Variants in MKLN1 observed in about 807,000 individuals in gnomAD.
MKLN1 encodes the protein muskelin.
Under a neutral mutation model 99.0 loss-of-function variants are expected in MKLN1, and 18 were observed. The ratio of observed to expected loss-of-function variants is 0.18; its 90% CI spans 0.13 to 0.27. MKLN1 has a LOEUF of 0.27. Among genes scored for constraint, MKLN1 ranks in the 10% least tolerant of loss-of-function variants. The pLI is 1.00. For missense variants in MKLN1, 621 were observed against 875.9 expected (o/e 0.71, Z 3.67); for synonymous variants, 288 against 293.2 (o/e 0.98, Z 0.18).
In MKLN1 at chr7:131,494,032, T is replaced by A. The variant is rs1418696778; in HGVS notation, c.*6304T>A. ...AAAGCCTTTGTTACAGTTTAGCTCA[T>A]GTCATTTGGTTGGTTTTATTTTCTA... On this transcript the variant is annotated 3_prime_UTR_variant, in exon 18 of 18. Coordinates refer to ENST00000352689, the MANE Select transcript of MKLN1 (RefSeq NM_013255.5). 6.6e-6 allele frequency: 1 copy of A among 152,220 alleles called. No homozygotes were observed. The highest frequency in any genetic ancestry group is 1.5e-5 in the Non-Finnish European group (1 of 68,022). The allele number at this position is 152,220 out of a possible 1,614,324, so 9.4% of individuals were successfully genotyped here. A position where few individuals can be genotyped will look rare whatever the true frequency, so the allele number is the denominator to read the frequency against.
chr7:131,159,724 T>A (rs1352424261), intron 2 of MKLN1, among the ~76,000 whole-genome samples: 1 of 152,180 alleles, frequency 6.6e-6, no homozygotes, highest in Non-Finnish European at 1.5e-5. Flanking sequence ...TTTCAAAATA[T>A]CACATGTACC....
chr7:131,418,578 C>T (rs1422202879), intron 8 of MKLN1, among the ~76,000 whole-genome samples: 2 of 152,130 alleles, frequency 1.3e-5, no homozygotes, highest in African/African-American at 4.8e-5. Context: ...GAAAGCCATC[C>T]TGGGCCTCAT....
At chr7:131,387,329 T>A in intron 3 of MKLN1, 67 bp downstream of exon 3, 1 of 1,411,104 alleles carries the variant, frequency 7.1e-7, no homozygotes, top group Non-Finnish European at 9.6e-7. Flanking sequence ...TTTTTGTAGC[T>A]AATCTGCATG....
At chr7:131,407,690 T>G (rs1007864778) in intron 6 of MKLN1, among the ~76,000 whole-genome samples, 16 of 151,896 alleles carry the variant, frequency 1.1e-4, no homozygotes, top group Non-Finnish European at 1.5e-4. Context: ...AACATGGTTT[T>G]TTTTTTTTTC....
intron 10 of MKLN1, among the ~76,000 whole-genome samples, chr7:131,442,038 C>T (rs1795855208): frequency 6.6e-6 from 1 of 152,142 alleles, no homozygotes; most frequent in Non-Finnish European, 1.5e-5. Flanking sequence ...ACTGTATGAT[C>T]ATTTTAAAAA....
At chr7:131,358,710 T>C (rs1036351012) in intron 1 of MKLN1, among the ~76,000 whole-genome samples, 5 of 152,202 alleles carry the variant, frequency 3.3e-5, no homozygotes, top group South Asian at 2.1e-4. Context: ...GTTTCATTAA[T>C]AGTTACTGGC....
intron 3 of MKLN1, among the ~76,000 whole-genome samples, chr7:131,312,815 A>G (rs1469367948): frequency 6.6e-6 from 1 of 152,206 alleles, no homozygotes; most frequent in Non-Finnish European, 1.5e-5. Context: ...CTAAGAAGTA[A>G]GCAACTTTAT....
At chr7:131,235,531 TCA>T (rs1437878063) in intron 3 of MKLN1, among the ~76,000 whole-genome samples, 1 of 152,152 alleles carries the variant, frequency 6.6e-6, no homozygotes, top group Non-Finnish European at 1.5e-5. Context: ...CTTGTTTCCA[TCA>T]CACTCTCTTC....
At chr7:131,230,697 G>A (rs1420162393) in intron 3 of MKLN1, among the ~76,000 whole-genome samples, 2 of 152,146 alleles carry the variant, frequency 1.3e-5, no homozygotes, top group Non-Finnish European at 2.9e-5. Context: ...TTTCCCTGCA[G>A]GGTCAATTTC....
At chr7:131,365,665 T>TA (rs1800158733) in intron 1 of MKLN1, among the ~76,000 whole-genome samples, 1 of 152,192 alleles carries the variant, frequency 6.6e-6, no homozygotes, top group South Asian at 2.1e-4. Flanking sequence ...TGCATATGGC[T>TA]AGCCAGTTAC....
At chr7:131,476,266 CT>C (rs1796963136) in intron 16 of MKLN1, among the ~76,000 whole-genome samples, 2 of 152,242 alleles carry the variant, frequency 1.3e-5, no homozygotes, top group South Asian at 4.2e-4. Flanking sequence ...ATTAGCCCCT[CT>C]ATTCAACATT....
chr7:131,244,748 C>G (rs766116724), intron 3 of MKLN1, among the ~76,000 whole-genome samples: 45 of 152,256 alleles, frequency 3.0e-4, no homozygotes, highest in African/African-American at 1.0e-3. Context: ...TGGCATGTCC[C>G]CCTGTGTTGG....
At chr7:131,347,856 T>C (rs1563304488) in intron 1 of MKLN1, among the ~76,000 whole-genome samples, 1 of 152,208 alleles carries the variant, frequency 6.6e-6, no homozygotes, top group Non-Finnish European at 1.5e-5. Flanking sequence ...TACAGTGCAA[T>C]AACATTTTTT....
chr7:131,122,558 C>T (rs1041760341), intron 1 of MKLN1, among the ~76,000 whole-genome samples: 1 of 152,122 alleles, frequency 6.6e-6, no homozygotes, highest in African/African-American at 2.4e-5. Flanking sequence ...TTGATGGAAA[C>T]GGGGGCATCC....
intron 2 of MKLN1, among the ~76,000 whole-genome samples, chr7:131,149,162 A>C (rs925746171): frequency 3.3e-5 from 5 of 152,184 alleles, no homozygotes; most frequent in Non-Finnish European, 7.4e-5. Flanking sequence ...TCAACTGATT[A>C]TCTTGGCCTT....
At chr7:131,131,557 G>A (rs1225960713) in intron 1 of MKLN1, among the ~76,000 whole-genome samples, 1 of 152,154 alleles carries the variant, frequency 6.6e-6, no homozygotes, top group East Asian at 1.9e-4. Flanking sequence ...TTTTACAGAT[G>A]AGCAAACCAA....
At chr7:131,355,038 C>T (rs932593259) in intron 1 of MKLN1, among the ~76,000 whole-genome samples, 4 of 152,110 alleles carry the variant, frequency 2.6e-5, no homozygotes, top group Admixed American at 2.0e-4. Context: ...GCGTGGCCTC[C>T]CAAAGTGCTG....
intron 3 of MKLN1, among the ~76,000 whole-genome samples, chr7:131,204,192 G>T (rs565287692): frequency 1.3e-5 from 2 of 152,274 alleles, no homozygotes; most frequent in South Asian, 4.2e-4. Context: ...CTGTTCTCAG[G>T]AGGATAAGTC....
At chr7:131,421,531 A>G (rs1336617975) in intron 8 of MKLN1, among the ~76,000 whole-genome samples, 3 of 152,182 alleles carry the variant, frequency 2.0e-5, no homozygotes, top group African/African-American at 7.2e-5. Context: ...TTCGATCTTG[A>G]ATGAATTGTA....
Sources: gnomAD v4.1 joint callset for allele counts (sites outside exome capture counted in the v4.1 genomes callset) on GRCh38, gnomAD v4.1.1 for gene constraint, MANE v1.5 for transcripts, NCBI Gene and HGNC (gene_info 2026-07-23, HGNC 2026-07-21) for gene names.